PLA2G7: variants seen among roughly 807,000 people sequenced by gnomAD.
The protein encoded by PLA2G7 is platelet-activating factor acetylhydrolase.
PLA2G7 carries 63 observed loss-of-function variants against 49.6 expected under a neutral mutation model. The observed-to-expected ratio is 1.27, with a 90% CI of 1.04 to 1.57. PLA2G7 has a LOEUF of 1.57. Ranked by LOEUF, PLA2G7 falls within the 40% of genes most tolerant of loss-of-function variation. The pLI is 0.00. For missense variants in PLA2G7, 596 were observed against 521.2 expected, an observed-to-expected ratio of 1.14 and a Z score of -1.40; for synonymous variants, 193 against 169.9, an observed-to-expected ratio of 1.14 and a Z score of -1.06.
At position 46,726,451 on chromosome 6, in the gene PLA2G7, TG is replaced by T. The variant is rs985343621; in HGVS notation, c.-34-3527del. On this transcript the variant is annotated intron_variant, in intron 1 of 11. Coordinates refer to ENST00000274793, the MANE Select transcript of PLA2G7 (RefSeq NM_005084.4). ...CAGATAAGTGCCTTTTTCTCAACCA[TG>T]GGATATGAGTTAGCTAGAAATGTAT... is the stretch of plus-strand genomic sequence containing the variant. Among the ~76,000 whole-genome samples, 14 of 152,192 alleles carry T rather than the reference TG, an allele frequency of 9.2e-5. 1 individual carries two copies.
rs1321614422 is a variant in PLA2G7 at position 46,710,446 on chromosome 6, C to A, written c.777+99G>T. On this transcript the variant is annotated intron_variant, in intron 8 of 11. Transcript: ENST00000274793. ...GCATTGGGGAGGGGGCTGGTTGCAG[C>A]CCTTTATCATATTGTACCTTGCAAT... is the stretch of plus-strand genomic sequence containing the variant. 5 of 786,892 alleles carry A rather than the reference C, an allele frequency of 6.4e-6. No individual in the cohort carries two copies. In the East Asian group the frequency reaches 1.3e-4, roughly 20 times the overall value. The allele number at this position is 786,892 out of a possible 1,614,324, so 48.7% of individuals were successfully genotyped here. A position where few individuals can be genotyped will look rare whatever the true frequency, so the allele number is the denominator to read the frequency against.
chr6:46,716,591 A>G, intron 3 of PLA2G7, 63 bp from the exon 4 acceptor site: 1 of 1,551,422 alleles, frequency 6.4e-7, no homozygotes, highest in Non-Finnish European at 8.9e-7. Flanking sequence ...TCCAGCAGCT[A>G]TTTTGCATAT....
chr6:46,714,662 T>C, intron 4 of PLA2G7, 109 bp from the exon 5 acceptor site: 1 of 745,992 alleles, frequency 1.3e-6, no homozygotes, highest in Non-Finnish European at 2.5e-6. Context: ...TATATCTACT[T>C]TTTTATGGAT....
At chr6:46,732,821 G>A (rs185278476) in intron 1 of PLA2G7, among the ~76,000 whole-genome samples, 1 of 152,264 alleles carries the variant, frequency 6.6e-6, no homozygotes, top group African/African-American at 2.4e-5. Flanking sequence ...AAGAAAGTCA[G>A]TAAGAACCCA....
At position 46,706,035 on chromosome 6, in the gene PLA2G7, G is replaced by T. The variant is rs45625431; in HGVS notation, c.1041-734C>A. On this transcript the variant is annotated intron_variant, in intron 10 of 11. Coordinates refer to ENST00000274793, the MANE Select transcript of PLA2G7 (RefSeq NM_005084.4). ...TGTAGGCATTCCTTAGGATTCTACTGGCAGACCAACTCTTTTCTCACTTTG... is the reference window on the plus strand; with the variant it reads ...TGTAGGCATTCCTTAGGATTCTACTTGCAGACCAACTCTTTTCTCACTTTG... 3.4e-3 allele frequency among the ~76,000 whole-genome samples: 523 copies of T among 152,204 alleles called. 2 individuals carry two copies. The highest frequency in any genetic ancestry group is 0.012 in the African/African-American group (497 of 41,510).
intron 8 of PLA2G7, among the ~76,000 whole-genome samples, chr6:46,709,991 A>G (rs559032955): frequency 6.6e-6 from 1 of 152,170 alleles, no homozygotes; most frequent in Non-Finnish European, 1.5e-5. Flanking sequence ...GGCAAGGGGA[A>G]GGGTGTGTCA....
chr6:46,723,202 A>G (rs900080178), intron 1 of PLA2G7, among the ~76,000 whole-genome samples: 1 of 152,224 alleles, frequency 6.6e-6, no homozygotes, highest in Admixed American at 6.5e-5. Flanking sequence ...TTCTAACTTT[A>G]TAACAGTATG....
In PLA2G7 at chr6:46,708,111, T is replaced by C. The variant is rs1764890100; in HGVS notation, c.920A>G (p.Tyr307Cys). Reference sequence around the variant, plus strand: ...AAAGAGGGGCTGAGGAATTCTGGAATATACTTCATCACCCAGTGGAAACAT... The same window carrying C: ...AAAGAGGGGCTGAGGAATTCTGGAACATACTTCATCACCCAGTGGAAACAT... ...AWMFPLGDEV[Y>C]SRIPQPLFFI... The change falls in exon 10 of 12, where the codon TAT (tyrosine) becomes TGT (cysteine). Residue 307 changes from tyrosine to cysteine, a missense_variant. Physicochemically the swap from Tyr to Cys is radical, Grantham distance 194. Coordinates refer to ENST00000274793, the MANE Select transcript of PLA2G7 (RefSeq NM_005084.4). The C allele has an allele frequency of 1.2e-6, 2 of 1,610,802 alleles. No individual in the cohort carries two copies. Among genetic ancestry groups the C allele is most frequent in the South Asian group, 1.1e-5 (1 of 91,004 alleles).
At chr6:46,728,092 G>A (rs1171169847) in intron 1 of PLA2G7, among the ~76,000 whole-genome samples, 1 of 152,186 alleles carries the variant, frequency 6.6e-6, no homozygotes, top group Non-Finnish European at 1.5e-5. Context: ...TTCAACTAAA[G>A]TCAAAGAAAG....
chr6:46,711,622 A>C lies in PLA2G7; in HGVS notation c.540-3T>G. 6.2e-7 allele frequency: 1 copy of C among 1,613,380 alleles called. No individual in the cohort carries two copies. The highest frequency in any genetic ancestry group is 1.1e-5 in the South Asian group (1 of 91,076). On this transcript the variant is annotated splice_polypyrimidine_tract_variant and splice_region_variant and intron_variant, in intron 6 of 11. Coordinates refer to ENST00000274793, the MANE Select transcript of PLA2G7 (RefSeq NM_005084.4). ...AAGTTGCAGATGCAGATCTATCTCT[A>C]TAATACAAGCAAAATTATTATTTAT...
chr6:46,721,879 A>C (rs1011087139), intron 2 of PLA2G7, among the ~76,000 whole-genome samples: 3 of 152,064 alleles, frequency 2.0e-5, no homozygotes, highest in African/African-American at 7.3e-5. Flanking sequence ...GTAAGGAGTC[A>C]CCCATCAAGC....
Position 46,717,079 on chromosome 6 carries a change from G to A in PLA2G7, c.127C>T (p.Gln43Ter). Residue 43 changes from glutamine to a stop codon, truncating the protein, a stop_gained, in exon 3 of 12, where the codon CAA (glutamine) becomes TAA (stop). Transcript: ENST00000274793. LOFTEE classifies it high-confidence loss of function. ...MKSSAWVNKI[Q>*]VLMAAASFGQ... is the part of the protein sequence containing the mutation. ...AAGCTTGCAGCAGCCATCAGTACTT[G>A]TATTTTGTTGACCCATGCTGAAAAA... is the stretch of plus-strand genomic sequence containing the variant. 6.2e-7 allele frequency: 1 copy of A among 1,613,548 alleles called. No individual in the cohort carries two copies. The highest frequency in any genetic ancestry group is 8.5e-7 in the Non-Finnish European group (1 of 1,179,476).
In PLA2G7 at chr6:46,714,466, G is replaced by T. The variant is rs199930929; in HGVS notation, c.464C>A (p.Ala155Glu). ...TCAACCTCTCAAACATTACCTGAAT[G>T]CCCCAAGACCATGAGAAAAAACAAC... ...PLVVFSHGLG[A>E]FRTLYSAIGI... The change falls in exon 5 of 12, where the codon GCA (alanine) becomes GAA (glutamate). Residue 155 changes from alanine (A) to glutamate (E), a missense_variant. By Grantham distance (107) the Ala-to-Glu change is moderately radical. Coordinates refer to ENST00000274793, the MANE Select transcript of PLA2G7 (RefSeq NM_005084.4). 5 of 1,601,582 alleles carry T rather than the reference G, an allele frequency of 3.1e-6. No homozygotes were observed. The highest frequency in any genetic ancestry group is 4.3e-6 in the Non-Finnish European group (5 of 1,168,836).
chr6:46,733,212 G>A (rs1490565045), intron 1 of PLA2G7, among the ~76,000 whole-genome samples: 1 of 152,194 alleles, frequency 6.6e-6, no homozygotes, highest in Non-Finnish European at 1.5e-5. Context: ...GTGCAAAGGT[G>A]AGAGTGAGGG....
intron 1 of PLA2G7, among the ~76,000 whole-genome samples, chr6:46,727,783 C>T (rs1765616655): frequency 2.0e-5 from 3 of 152,100 alleles, no homozygotes; most frequent in Non-Finnish European, 2.9e-5. Context: ...ATGAAGGAAG[C>T]GGGCATGAGC....
At chr6:46,734,114 G>A (rs971334326) in intron 1 of PLA2G7, among the ~76,000 whole-genome samples, 45 of 152,236 alleles carry the variant, frequency 3.0e-4, no homozygotes, top group African/African-American at 1.0e-3. Flanking sequence ...TCCAGGAGAT[G>A]ATGAGGAAGA....
chr6:46,725,549 G>T (rs1349482260), intron 1 of PLA2G7, among the ~76,000 whole-genome samples: 1 of 151,936 alleles, frequency 6.6e-6, no homozygotes, highest in Non-Finnish European at 1.5e-5. Flanking sequence ...TAAACTACTT[G>T]CAGAGGGACT....
At chr6:46,732,670 A>G (rs1765770183) in intron 1 of PLA2G7, among the ~76,000 whole-genome samples, 1 of 152,118 alleles carries the variant, frequency 6.6e-6, no homozygotes, top group Non-Finnish European at 1.5e-5. Flanking sequence ...TTTCTCCTCA[A>G]CTGCTAAGTT....
intron 11 of PLA2G7, 130 bp downstream of exon 11, chr6:46,705,023 A>C (rs1009924684): frequency 1.1e-5 from 8 of 733,548 alleles, no homozygotes; most frequent in Middle Eastern, 3.9e-4. Context: ...TCTGTTTTCA[A>C]ATTGATATAC....
Sources: allele counts gnomAD v4.1 joint callset (sites outside exome capture counted in the v4.1 genomes callset), GRCh38; gene constraint gnomAD v4.1.1; transcripts MANE v1.5; gene names NCBI Gene and HGNC (gene_info 2026-07-23, HGNC 2026-07-21).